The following TMOD3 variants were observed in gnomAD, a reference collection of about 807,000 sequenced individuals.
TMOD3 encodes tropomodulin-3.
TMOD3 carries 20 observed loss-of-function variants against 39.2 expected under a neutral mutation model. The ratio of observed to expected loss-of-function variants is 0.51; its 90% CI spans 0.36 to 0.74. The LOEUF (loss-of-function observed/expected upper bound fraction) is 0.74. Ranked by LOEUF, TMOD3 falls within the 30% of genes least tolerant of loss-of-function variation. TMOD3 has a pLI of 0.00. For missense variants in TMOD3, 381 were observed against 412.8 expected (o/e 0.92, Z 0.67); for synonymous variants, 143 against 145.8 (o/e 0.98, Z 0.14).
At chr15:51,842,377 T>A (rs1262359052) in intron 1 of TMOD3, among the ~76,000 whole-genome samples, 1 of 152,236 alleles carries the variant, frequency 6.6e-6, no homozygotes, top group Non-Finnish European at 1.5e-5. Context: ...ACTTTACGTA[T>A]ACAGCTTGAT....
At chr15:51,859,093 C>T (rs111339834) in intron 1 of TMOD3, 52 of 529,360 alleles carry the variant, frequency 9.8e-5, no homozygotes, top group Non-Finnish European at 1.3e-4. Context: ...TGTCTGCCAT[C>T]GATGAACAAA....
intron 7 of TMOD3, among the ~76,000 whole-genome samples, chr15:51,896,737 T>A (rs1011713426): frequency 1.3e-5 from 2 of 152,198 alleles, no homozygotes; most frequent in Admixed American, 6.5e-5. Flanking sequence ...CTCCTTCCTA[T>A]GAATTTTTTA....
Position 51,884,090 on chromosome 15 carries a change from C to T in TMOD3, c.284-3499C>T, listed in dbSNP as rs112465430. ...GCTAAAATAAATCAAGTTTGTAAGC[C>T]ACCAGTTAACTGGAAAAAACACTGA... On this transcript the variant is annotated intron_variant, in intron 3 of 9. Transcript: ENST00000308580. Among the ~76,000 whole-genome samples, 1,385 of 152,266 alleles carry T rather than the reference C, an allele frequency of 9.1e-3. 29 individuals are homozygous for T. The highest frequency in any genetic ancestry group is 0.027 in the African/African-American group (1,132 of 41,550).
rs566906150 is a variant in TMOD3, at chr15:51,894,272, C to G, written c.627+327C>G. ...CTTTTTTAAAATTCGGTTCCTTAGC[C>G]AGGTATGGTGGTGCATGCCTGTAAT... On this transcript the variant is annotated intron_variant, in intron 6 of 9. Coordinates refer to ENST00000308580, the MANE Select transcript of TMOD3 (RefSeq NM_014547.5). Among the ~76,000 whole-genome samples, 63 of 152,142 alleles carry G rather than the reference C, an allele frequency of 4.1e-4. 1 individual carries two copies. Among genetic ancestry groups the G allele is most frequent in the Non-Finnish European group, 7.6e-4 (52 of 67,996 alleles).
intron 1 of TMOD3, among the ~76,000 whole-genome samples, chr15:51,843,365 G>A (rs975023015): frequency 4.6e-5 from 7 of 152,172 alleles, no homozygotes; most frequent in African/African-American, 1.7e-4. Flanking sequence ...AGGATTCCTA[G>A]TGATTCTTAG....
rs900623904 is a variant in TMOD3 at position 51,859,127 on chromosome 15, A to G, written c.-74-3684A>G. The G allele has an allele frequency of 1.1e-5, 7 of 631,008 alleles. No homozygotes were observed. The Admixed American group carries it at 1.1e-4, about 10-fold the overall frequency. 39.1% of individuals were successfully genotyped at this position (631,008 alleles called of 1,614,324 possible). ...AATTACAAAAATGGACTCATAATAC[A>G]TATTTGCCCACAGGGCTTGCAATAC... On this transcript the variant is annotated intron_variant, in intron 1 of 9. Transcript: ENST00000308580.
chr15:51,851,801 T>C (rs143648403), intron 1 of TMOD3, among the ~76,000 whole-genome samples: 99 of 152,256 alleles, frequency 6.5e-4, no homozygotes, highest in African/African-American at 2.0e-3. Context: ...CCAAAACATA[T>C]CACGTTTATC....
chr15:51,840,513 C>A (rs781631506), intron 1 of TMOD3, among the ~76,000 whole-genome samples: 2 of 152,114 alleles, frequency 1.3e-5, no homozygotes, highest in Non-Finnish European at 2.9e-5. Flanking sequence ...TCTTATTATT[C>A]TTATTTTACG....
intron 8 of TMOD3, 77 bp from the exon 9 acceptor site, chr15:51,901,815 C>T (rs1485871615): frequency 2.8e-6 from 4 of 1,430,984 alleles, no homozygotes; most frequent in Non-Finnish European, 2.9e-6. Context: ...TTAGCATGTG[C>T]CTGAATGTCT....
intron 2 of TMOD3, among the ~76,000 whole-genome samples, chr15:51,863,321 C>G (rs2056428743): frequency 6.6e-6 from 1 of 152,158 alleles, no homozygotes; most frequent in Non-Finnish European, 1.5e-5. Context: ...AGATGGTTAC[C>G]TTTTTGATAC....
At chr15:51,895,330 G>A (rs936245590) in intron 6 of TMOD3, among the ~76,000 whole-genome samples, 1 of 148,450 alleles carries the variant, frequency 6.7e-6, no homozygotes, top group African/African-American at 2.5e-5. Flanking sequence ...AGCAATTCTT[G>A]TGTCTCAGCC....
intron 1 of TMOD3, among the ~76,000 whole-genome samples, chr15:51,831,429 A>C (rs914094254): frequency 6.6e-6 from 1 of 152,192 alleles, no homozygotes; most frequent in African/African-American, 2.4e-5. Context: ...ACACTTTAGC[A>C]TGCATAATTC....
intron 1 of TMOD3, chr15:51,859,277 T>C: frequency 1.4e-6 from 1 of 737,446 alleles, no homozygotes; most frequent in East Asian, 2.7e-5. Flanking sequence ...AGTAGATCTG[T>C]CTGCAGTTTT....
At chr15:51,847,136 T>C (rs1234690769) in intron 1 of TMOD3, among the ~76,000 whole-genome samples, 3 of 152,228 alleles carry the variant, frequency 2.0e-5, no homozygotes, top group Admixed American at 6.5e-5. Flanking sequence ...CAGGGTCTTG[T>C]TGAAAGATTG....
At chr15:51,900,065 A>AGTCAT in intron 7 of TMOD3, 90 bp from the exon 8 acceptor site, 1 of 1,205,900 alleles carries the variant, frequency 8.3e-7, no homozygotes, top group Admixed American at 2.1e-5. Flanking sequence ...ACATTAAGGC[A>AGTCAT]GTTAATTAAT....
In TMOD3 at chr15:51,911,503, G is replaced by A. The variant is rs944463546; in HGVS notation, c.*2693G>A. 1 of 152,050 alleles carries A rather than the reference G, an allele frequency of 6.6e-6. No individual in the cohort carries two copies. Among genetic ancestry groups the A allele is most frequent in the African/African-American group, 2.4e-5 (1 of 41,416 alleles). The allele number at this position is 152,050 out of a possible 1,614,324, so 9.4% of individuals were successfully genotyped here. A position where few individuals can be genotyped will look rare whatever the true frequency, so the allele number is the denominator to read the frequency against. On this transcript the variant is annotated 3_prime_UTR_variant, in exon 10 of 10. Coordinates refer to ENST00000308580, the MANE Select transcript of TMOD3 (RefSeq NM_014547.5). ...ATCTGGCACCTCTTAGTAACTTTCAGTATTTCTAAATTGCTCTAAAATTTT... is the reference window on the plus strand; with the variant it reads ...ATCTGGCACCTCTTAGTAACTTTCAATATTTCTAAATTGCTCTAAAATTTT...
chr15:51,898,313 A>C (rs765519313), intron 7 of TMOD3, among the ~76,000 whole-genome samples: 15 of 151,822 alleles, frequency 9.9e-5, no homozygotes, highest in Non-Finnish European at 1.9e-4. Flanking sequence ...TATCACTTTG[A>C]CTCTTTGCTC....
At chr15:51,852,693 G>T (rs553288824) in intron 1 of TMOD3, among the ~76,000 whole-genome samples, 41 of 152,246 alleles carry the variant, frequency 2.7e-4, no homozygotes, top group African/African-American at 9.1e-4. Context: ...GAGAAAGAGG[G>T]AACTACCAAA....
intron 1 of TMOD3, among the ~76,000 whole-genome samples, chr15:51,840,646 T>A (rs2056308604): frequency 6.6e-6 from 1 of 152,238 alleles, no homozygotes; most frequent in African/African-American, 2.4e-5. Context: ...AGATGTATTA[T>A]AATAATTTCT....
Sources: gnomAD v4.1 joint callset for allele counts (sites outside exome capture counted in the v4.1 genomes callset) on GRCh38, gnomAD v4.1.1 for gene constraint, MANE v1.5 for transcripts, NCBI Gene and HGNC (gene_info 2026-07-23, HGNC 2026-07-21) for gene names.